The following PIPOX variants were observed in gnomAD, a reference collection of about 807,000 sequenced individuals.
The protein encoded by PIPOX is pipecolic acid and sarcosine oxidase.
Under a neutral mutation model 47.9 loss-of-function variants are expected in PIPOX, and 45 were observed. The ratio of observed to expected loss-of-function variants is 0.94; its 90% confidence interval spans 0.74 to 1.20. The LOEUF (loss-of-function observed/expected upper bound fraction) is 1.20. Among genes scored for constraint, PIPOX ranks in the 50% most tolerant of loss-of-function variants. The pLI is 0.00. For synonymous variants in PIPOX, 165 were observed against 191.3 expected (o/e 0.86, Z 1.13); for missense variants, 458 against 498.4 (o/e 0.92, Z 0.77).
chr17:29,048,826 A>G (rs1175212240), intron 2 of PIPOX, among the ~76,000 whole-genome samples: 7 of 152,248 alleles, frequency 4.6e-5, no homozygotes, highest in Admixed American at 3.3e-4. Flanking sequence ...TGAAATGCCT[A>G]GAGCTCCTCC....
At chr17:29,052,700 C>G (rs1362480245) in intron 2 of PIPOX, among the ~76,000 whole-genome samples, 5 of 152,242 alleles carry the variant, frequency 3.3e-5, no homozygotes, top group South Asian at 2.1e-4. Context: ...GCTGGGATCA[C>G]AGGCATGTGA....
At chr17:29,045,177 G>T (rs555424361) in intron 2 of PIPOX, among the ~76,000 whole-genome samples, 170 bp downstream of exon 2, 3 of 152,208 alleles carry the variant, frequency 2.0e-5, no homozygotes, top group Non-Finnish European at 4.4e-5. Flanking sequence ...TCACCCCACA[G>T]GTCCAGCTGA....
intron 2 of PIPOX, among the ~76,000 whole-genome samples, chr17:29,049,090 G>A (rs1001928036): frequency 3.3e-5 from 5 of 150,976 alleles, no homozygotes; most frequent in South Asian, 2.1e-4. Context: ...GGCATTAGTC[G>A]GGCTATAGCA....
Position 29,047,715 on chromosome 17 carries a change from T to G in PIPOX, c.263+2708T>G, listed in dbSNP as rs923703387. Among the ~76,000 whole-genome samples the G allele has an allele frequency of 2.6e-5, 4 of 152,118 alleles. No homozygotes were observed. In the East Asian group the frequency reaches 7.7e-4, roughly 29 times the overall value. ...TAAAAAAAATCAACAATTAAAAAAT[T>G]TAAAAACCATCTTGGCTCATGGACC... is the stretch of plus-strand genomic sequence containing the variant. On this transcript the variant is annotated intron_variant, in intron 2 of 7. Coordinates refer to ENST00000323372, the MANE Select transcript of PIPOX (RefSeq NM_016518.3).
chr17:29,044,005 A>G (rs1449590598), intron 1 of PIPOX, among the ~76,000 whole-genome samples: 1 of 151,216 alleles, frequency 6.6e-6, no homozygotes. Context: ...ACTGCAGTGG[A>G]CTCTCCCTTT....
rs2065815431 is a variant in PIPOX at position 29,053,538 on chromosome 17, A to G, written c.603A>G (p.Thr201=). 1 of 1,613,778 alleles carries G rather than the reference A, an allele frequency of 6.2e-7. No individual in the cohort carries two copies. The highest frequency in any genetic ancestry group is 1.3e-5 in the African/African-American group (1 of 74,926). The change falls in exon 4 of 8, where the codon ACA becomes ACG. Residue 201 remains threonine (T), a synonymous_variant. Transcript: ENST00000323372. The stretch of plus-strand genomic sequence containing the variant: ...ACCAAGCTAAGAGCTTGGTCATCAC[A>G]GCAGGTCCTTGGACCAACCAGCTCC... ...RSYQAKSLVI[T]AGPWTNQLLR...
At chr17:29,054,775 C>A in intron 5 of PIPOX, 84 bp downstream of exon 5, 1 of 1,488,732 alleles carries the variant, frequency 6.7e-7, no homozygotes. Flanking sequence ...CATAGATGCC[C>A]TTGGGTCTCG....
intron 7 of PIPOX, 92 bp downstream of exon 7, chr17:29,055,980 A>G: frequency 7.4e-7 from 1 of 1,343,448 alleles, no homozygotes; most frequent in Non-Finnish European, 1.1e-6. Context: ...AGCTGCCCAG[A>G]TAGGTGTGAA....
intron 1 of PIPOX, among the ~76,000 whole-genome samples, chr17:29,043,829 T>A (rs2065775558): frequency 6.6e-6 from 1 of 152,172 alleles, no homozygotes; most frequent in African/African-American, 2.4e-5. Flanking sequence ...TATTTTTTAT[T>A]TTTTGCCACC....
Position 29,044,841 on chromosome 17 carries a change from C to A in PIPOX, c.115-18C>A. On this transcript the variant is annotated intron_variant, in intron 1 of 7. Coordinates refer to ENST00000323372, the MANE Select transcript of PIPOX (RefSeq NM_016518.3). ...AGGGGTAATGGCTTCCATCATCTCT[C>A]TTGTTTTCCACTTCCAGTTCTTTCT... 6.2e-7 allele frequency: 1 copy of A among 1,603,402 alleles called. No homozygotes were observed. Among genetic ancestry groups the A allele is most frequent in the South Asian group, 1.1e-5 (1 of 89,248 alleles).
chr17:29,053,519 C>T lies in PIPOX; in HGVS notation c.584C>T (p.Ala195Val). Residue 195 changes from alanine to valine, a missense_variant, in exon 4 of 8, where the codon GCT (alanine) becomes GTT (valine). Ala to Val is a moderately conservative substitution (Grantham distance 64). Coordinates refer to ENST00000323372, the MANE Select transcript of PIPOX (RefSeq NM_016518.3). ...TVKTTSRSYQ[A>V]KSLVITAGPW... ...AAAACCACCTCCAGGAGCTACCAAG[C>T]TAAGAGCTTGGTCATCACAGCAGGT... is the stretch of plus-strand genomic sequence containing the variant. The T allele has an allele frequency of 6.2e-7, 1 of 1,614,060 alleles. No homozygotes were observed. Among genetic ancestry groups the T allele is most frequent in the South Asian group, 1.1e-5 (1 of 91,078 alleles).
intron 7 of PIPOX, 73 bp from the exon 8 acceptor site, chr17:29,056,102 G>A (rs913603279): frequency 1.9e-6 from 3 of 1,580,064 alleles, no homozygotes; most frequent in Middle Eastern, 2.0e-4. Context: ...CCCTGTCTGG[G>A]TAAGTAGGGG....
intron 2 of PIPOX, among the ~76,000 whole-genome samples, chr17:29,052,671 C>G (rs1310227532): frequency 6.6e-6 from 1 of 152,232 alleles, no homozygotes; most frequent in African/African-American, 2.4e-5. Flanking sequence ...GTGATCCTCT[C>G]ACCTCAGCCT....
chr17:29,044,155 A>G (rs1281319509), intron 1 of PIPOX: 1 of 152,234 alleles, frequency 6.6e-6, no homozygotes, highest in Non-Finnish European at 1.5e-5. Context: ...CAGGAAACTC[A>G]TTGTTGCTGA....
chr17:29,045,204 C>A (rs192384578), intron 2 of PIPOX, among the ~76,000 whole-genome samples, 197 bp downstream of exon 2: 1 of 152,150 alleles, frequency 6.6e-6, no homozygotes, highest in Non-Finnish European at 1.5e-5. Flanking sequence ...CCAGGCTCTG[C>A]GTTGCAGGAC....
Position 29,052,936 on chromosome 17 carries a change from C to A in PIPOX, c.280C>A (p.Leu94Met). 1 of 1,614,150 alleles carries A rather than the reference C, an allele frequency of 6.2e-7. No individual in the cohort carries two copies. Among genetic ancestry groups the A allele is most frequent in the South Asian group, 1.1e-5 (1 of 91,080 alleles). The change falls in exon 3 of 8, where the codon CTG (leucine) becomes ATG (methionine). Residue 94 changes from leucine to methionine, a missense_variant. Leu to Met is a conservative substitution (Grantham distance 15, BLOSUM62 2). Coordinates refer to ENST00000323372, the MANE Select transcript of PIPOX (RefSeq NM_016518.3). The part of the protein sequence containing the change: ...TQLHRQTGLL[L>M]LGMKENQELK... ...TTTTAACAGGCAGACTGGATTACTG[C>A]TGCTGGGAATGAAAGAGAATCAAGA... is the stretch of plus-strand genomic sequence containing the variant.
chr17:29,051,829 GC>G, intron 2 of PIPOX: 1 of 416,170 alleles, frequency 2.4e-6, no homozygotes, highest in South Asian at 1.8e-5. Context: ...TGCAGGTGTA[GC>G]ATCCCGGGCC....
In PIPOX at chr17:29,056,484, G is replaced by C. The variant is rs1312702569; in HGVS notation, c.*179G>C. On this transcript the variant is annotated 3_prime_UTR_variant, in exon 8 of 8. Coordinates refer to ENST00000323372, the MANE Select transcript of PIPOX (RefSeq NM_016518.3). ...CCTTGGCCCGCTCCCTTTTTCTTCT[G>C]CCTCACTTGAATCCCCCGTAAACAC... 7.3e-6 allele frequency: 5 copies of C among 684,912 alleles called. No individual in the cohort carries two copies. The highest frequency in any genetic ancestry group is 5.8e-5 in the Admixed American group (2 of 34,322). 42.4% of individuals were successfully genotyped at this position (684,912 alleles called of 1,614,324 possible). A position where few individuals can be genotyped will look rare whatever the true frequency, so the allele number is the denominator to read the frequency against.
At chr17:29,053,352 T>C in intron 3 of PIPOX, 61 bp from the exon 4 acceptor site, 1 of 1,527,326 alleles carries the variant, frequency 6.5e-7, no homozygotes, top group Non-Finnish European at 8.9e-7. Flanking sequence ...AAAGGCTTTC[T>C]GTCCACCAGG....
Sources: gnomAD v4.1 joint callset for allele counts (sites outside exome capture counted in the v4.1 genomes callset) on GRCh38, gnomAD v4.1.1 for gene constraint, MANE v1.5 for transcripts, NCBI Gene and HGNC (gene_info 2026-07-23, HGNC 2026-07-21) for gene names.